The following OSBPL6 variants were observed in gnomAD, a reference collection of about 807,000 sequenced individuals.
The protein encoded by OSBPL6 is oxysterol binding protein like 6.
Under a neutral mutation model 125.8 loss-of-function variants are expected in OSBPL6, and 49 were observed. The ratio of observed to expected loss-of-function variants is 0.39; its 90% CI spans 0.31 to 0.49. The LOEUF is 0.49. Among genes scored for constraint, OSBPL6 ranks in the 20% least tolerant of loss-of-function variants. The probability of loss-of-function intolerance (pLI) is 0.88; values close to 1 mark genes in which losing one functional copy is unlikely to be tolerated. For synonymous variants in OSBPL6, 394 were observed against 391.8 expected (o/e 1.01, Z -0.07); for missense variants, 986 against 1,135.4 (o/e 0.87, Z 1.89).
At chr2:178,330,624 A>G (rs1689114973) in intron 5 of OSBPL6, among the ~76,000 whole-genome samples, 1 of 152,208 alleles carries the variant, frequency 6.6e-6, no homozygotes, top group Admixed American at 6.5e-5. Flanking sequence ...ACAGAAGGCC[A>G]CTGTACTTAC....
chr2:178,256,832 C>A (rs2091901408), intron 1 of OSBPL6, among the ~76,000 whole-genome samples: 1 of 152,170 alleles, frequency 6.6e-6, no homozygotes, highest in Non-Finnish European at 1.5e-5. Flanking sequence ...GAGCCAGCTA[C>A]AGCACACCAG....
At chr2:178,262,273 C>G (rs1412790969) in intron 1 of OSBPL6, among the ~76,000 whole-genome samples, 6 of 152,092 alleles carry the variant, frequency 3.9e-5, no homozygotes, top group African/African-American at 1.4e-4. Context: ...AAAACTATGT[C>G]AGTTTTCAAA....
intron 18 of OSBPL6, among the ~76,000 whole-genome samples, chr2:178,384,872 CT>C (rs200495149): frequency 3.4e-5 from 5 of 147,898 alleles, no homozygotes; most frequent in African/African-American, 1.3e-4. Flanking sequence ...GAGAGGTAGC[CT>C]TTTTAAAAAA....
intron 1 of OSBPL6, among the ~76,000 whole-genome samples, chr2:178,245,054 A>T (rs1406800964): frequency 6.6e-6 from 1 of 152,180 alleles, no homozygotes; most frequent in Non-Finnish European, 1.5e-5. Flanking sequence ...AAATGACACG[A>T]TGGATTATAC....
At chr2:178,305,524 T>G (rs750846777) in intron 2 of OSBPL6, among the ~76,000 whole-genome samples, 24 of 152,332 alleles carry the variant, frequency 1.6e-4, no homozygotes, top group Non-Finnish European at 3.1e-4. Context: ...CAAATAAATG[T>G]GGATATATGT....
chr2:178,213,160 C>T (rs1286735697), intron 1 of OSBPL6, among the ~76,000 whole-genome samples: 3 of 152,060 alleles, frequency 2.0e-5, no homozygotes, highest in Non-Finnish European at 4.4e-5. Flanking sequence ...AGCTCTTCTT[C>T]CACCCACCTA....
At position 178,391,132 on chromosome 2, in the gene OSBPL6, G is replaced by A. The variant is rs568646326; in HGVS notation, c.2361G>A (p.Gly787=). The change falls in exon 22 of 25, where the codon GGG becomes GGA. Residue 787 remains glycine, a synonymous_variant. Transcript: ENST00000190611. ...AGGGGGTGGTGATAGATCAGGAGGGGAAGGCGGTGTACCGGCTGTTTGGAA... is the reference window on the plus strand; with the variant it reads ...AGGGGGTGGTGATAGATCAGGAGGGAAAGGCGGTGTACCGGCTGTTTGGAA... ...EVQGVVIDQE[G]KAVYRLFGKW... 6.2e-7 allele frequency: 1 copy of A among 1,613,980 alleles called. No individual in the cohort carries two copies. Among genetic ancestry groups the A allele is most frequent in the East Asian group, 2.2e-5 (1 of 44,888 alleles).
intron 23 of OSBPL6, among the ~76,000 whole-genome samples, chr2:178,393,355 T>C (rs1263499047): frequency 6.6e-6 from 1 of 152,226 alleles, no homozygotes; most frequent in East Asian, 1.9e-4. Context: ...TAATACCTTC[T>C]GATTCTTAGT....
chr2:178,217,044 A>T (rs1375255969), intron 1 of OSBPL6, among the ~76,000 whole-genome samples: 2 of 152,234 alleles, frequency 1.3e-5, no homozygotes, highest in African/African-American at 4.8e-5. Context: ...ATATTCTATT[A>T]GCATTCAGTC....
At chr2:178,354,760 C>G (rs942732362) in intron 12 of OSBPL6, among the ~76,000 whole-genome samples, 3 of 152,180 alleles carry the variant, frequency 2.0e-5, no homozygotes, top group Admixed American at 2.0e-4. Context: ...ACAGAACTCT[C>G]CACCACAAAT....
intron 2 of OSBPL6, among the ~76,000 whole-genome samples, chr2:178,293,736 A>G (rs76210528): frequency 0.03 from 4,587 of 152,074 alleles, 101 homozygotes; most frequent in Non-Finnish European, 0.048. Flanking sequence ...CTATTCACTC[A>G]TTCTAACTAT....
At chr2:178,357,451 G>A (rs184052921) in intron 12 of OSBPL6, among the ~76,000 whole-genome samples, 2 of 152,302 alleles carry the variant, frequency 1.3e-5, no homozygotes, top group East Asian at 3.9e-4. Context: ...CTCAAAAGAA[G>A]ACATTTATGC....
At chr2:178,203,441 T>G (rs761631961) in intron 1 of OSBPL6, among the ~76,000 whole-genome samples, 8 of 152,240 alleles carry the variant, frequency 5.3e-5, no homozygotes, top group Non-Finnish European at 1.2e-4. Context: ...GCTCTAGAAG[T>G]GTTATTTGGG....
At chr2:178,229,104 C>G (rs1254340462) in intron 1 of OSBPL6, among the ~76,000 whole-genome samples, 1 of 152,250 alleles carries the variant, frequency 6.6e-6, no homozygotes, top group East Asian at 1.9e-4. Context: ...GTGTAAAGGG[C>G]AAAATACAAG....
Position 178,400,391 on chromosome 2 carries a change from A to T in OSBPL6, c.*4832A>T, listed in dbSNP as rs1696068109. Reference sequence around the variant, plus strand: ...AGCCTCCGCCTCCCAGGTTCAAGGGATTCTTGTGCCTCAGCCTCCCGAGTA... The same window carrying T: ...AGCCTCCGCCTCCCAGGTTCAAGGGTTTCTTGTGCCTCAGCCTCCCGAGTA... On this transcript the variant is annotated 3_prime_UTR_variant, in exon 25 of 25. Coordinates refer to ENST00000190611, the MANE Select transcript of OSBPL6 (RefSeq NM_032523.4). The T allele has an allele frequency of 6.6e-6, 1 of 150,568 alleles. No homozygotes were observed. The highest frequency in any genetic ancestry group is 2.5e-5 in the African/African-American group (1 of 40,776). 9.3% of individuals were successfully genotyped at this position (150,568 alleles called of 1,614,324 possible).
rs184320973 is a variant in OSBPL6, at chr2:178,277,147, G to A, written c.-350-7780G>A. Among the ~76,000 whole-genome samples, 3 of 152,278 alleles carry A rather than the reference G, an allele frequency of 2.0e-5. No individual in the cohort carries two copies. The East Asian group carries it at 5.8e-4, about 29-fold the overall frequency. Reference sequence around the variant, plus strand: ...TACTCCTTTCAGAAGATTAGGATGTGTCCTAAGCATGTTTATAGTGTTTTA... The same window carrying A: ...TACTCCTTTCAGAAGATTAGGATGTATCCTAAGCATGTTTATAGTGTTTTA... On this transcript the variant is annotated intron_variant, in intron 1 of 24. Transcript: ENST00000190611.
At chr2:178,283,666 T>C (rs577370842) in intron 1 of OSBPL6, among the ~76,000 whole-genome samples, 2 of 152,300 alleles carry the variant, frequency 1.3e-5, no homozygotes, top group African/African-American at 4.8e-5. Context: ...GGTGGGTAAT[T>C]TGTAAAGAAA....
At chr2:178,350,417 T>C (rs1691145299) in intron 12 of OSBPL6, among the ~76,000 whole-genome samples, 1 of 152,128 alleles carries the variant, frequency 6.6e-6, no homozygotes, top group East Asian at 1.9e-4. Flanking sequence ...ATATGTTAAA[T>C]AGAACACCTC....
intron 4 of OSBPL6, among the ~76,000 whole-genome samples, chr2:178,328,037 G>C (rs1202581853): frequency 6.6e-6 from 1 of 152,158 alleles, no homozygotes; most frequent in Non-Finnish European, 1.5e-5. Context: ...AGTCTCTGAT[G>C]GACCCCACTT....
Sources: gnomAD v4.1 joint callset for allele counts (sites outside exome capture counted in the v4.1 genomes callset) on GRCh38, gnomAD v4.1.1 for gene constraint, MANE v1.5 for transcripts, NCBI Gene and HGNC (gene_info 2026-07-23, HGNC 2026-07-21) for gene names.